The following WDR72 variants were observed in gnomAD, a reference collection of about 807,000 sequenced individuals.
WDR72 encodes the protein WD repeat domain 72.
WDR72 carries 120 observed loss-of-function variants against 124.2 expected under a neutral mutation model. That is an observed-to-expected ratio of 0.97 (90% CI 0.83 to 1.12). The LOEUF is 1.12. Among genes scored for constraint, WDR72 ranks in the 50% most tolerant of loss-of-function variants. The pLI, the probability that WDR72 is intolerant of heterozygous loss-of-function variation, is 0.00. For missense variants in WDR72, 1,387 were observed against 1,278.8 expected (o/e 1.08, Z -1.29); for synonymous variants, 452 against 441.7 (o/e 1.02, Z -0.29).
chr15:53,729,849 T>C (rs1240326040), intron 2 of WDR72, among the ~76,000 whole-genome samples: 1 of 152,062 alleles, frequency 6.6e-6, no homozygotes. Flanking sequence ...GGGAAATTGG[T>C]TGCCCTGTGT....
chr15:53,737,188 G>C (rs1306745225), intron 1 of WDR72, among the ~76,000 whole-genome samples: 5 of 152,120 alleles, frequency 3.3e-5, no homozygotes, highest in African/African-American at 1.2e-4. Flanking sequence ...GCCTGGAGCA[G>C]GGAAACACAA....
chr15:53,659,869 T>C (rs2015551412), intron 14 of WDR72, among the ~76,000 whole-genome samples: 1 of 152,126 alleles, frequency 6.6e-6, no homozygotes, highest in Admixed American at 6.6e-5. Context: ...AACGTTTATT[T>C]CTTTATTCCA....
At chr15:53,656,842 T>C (rs1177689690) in intron 14 of WDR72, among the ~76,000 whole-genome samples, 2 of 152,094 alleles carry the variant, frequency 1.3e-5, no homozygotes, top group East Asian at 3.9e-4. Context: ...TAACAGAGCA[T>C]CCAAATCCAC....
intron 7 of WDR72, among the ~76,000 whole-genome samples, chr15:53,712,464 C>G (rs1245852887): frequency 6.6e-6 from 1 of 152,012 alleles, no homozygotes; most frequent in African/African-American, 2.4e-5. Flanking sequence ...GGCATGGTGG[C>G]ATGCGCCTAT....
At chr15:53,669,122 G>A (rs947218855) in intron 13 of WDR72, among the ~76,000 whole-genome samples, 3 of 152,064 alleles carry the variant, frequency 2.0e-5, no homozygotes, top group Admixed American at 6.5e-5. Context: ...TAGTATTAGT[G>A]TCTTCCCCAG....
At chr15:53,625,331 C>T (rs2014160721) in intron 14 of WDR72, among the ~76,000 whole-genome samples, 1 of 152,156 alleles carries the variant, frequency 6.6e-6, no homozygotes, top group Non-Finnish European at 1.5e-5. Context: ...CATGTGATTT[C>T]CAGGTATTGC....
At chr15:53,635,696 T>C (rs1422984838) in intron 14 of WDR72, among the ~76,000 whole-genome samples, 2 of 151,784 alleles carry the variant, frequency 1.3e-5, no homozygotes, top group East Asian at 3.9e-4. Flanking sequence ...CTGGGGGGGA[T>C]GGAGGGAGAT....
chr15:53,695,292 C>T (rs960594497), intron 13 of WDR72, among the ~76,000 whole-genome samples: 1 of 152,188 alleles, frequency 6.6e-6, no homozygotes, highest in African/African-American at 2.4e-5. Context: ...AAATCCACTA[C>T]TGTGAAAAGA....
At chr15:53,672,066 A>G (rs912805422) in intron 13 of WDR72, among the ~76,000 whole-genome samples, 2 of 152,122 alleles carry the variant, frequency 1.3e-5, no homozygotes, top group African/African-American at 2.4e-5. Context: ...TAGTGCCCCT[A>G]AAGTGTCTGA....
chr15:53,705,214 G>C lies in WDR72; in HGVS notation c.1122C>G (p.Thr374=), dbSNP rs756432819. 16 of 1,613,454 alleles carry C rather than the reference G, an allele frequency of 9.9e-6. No individual in the cohort carries two copies. Among genetic ancestry groups the C allele is most frequent in the African/African-American group, 1.3e-5 (1 of 74,898 alleles). The change falls in exon 11 of 20, where the codon ACC becomes ACG. Residue 374 remains threonine, a synonymous_variant. Transcript: ENST00000360509. The part of the protein sequence containing the change: ...GSPREIPVTA[T]WTLQDNFDKH... ...TATCAAAATTATCTTGAAGAGTCCA[G>C]GTGGCAGTTACTGGTATCTCTAAAA...
chr15:53,666,669 C>T lies in WDR72; in HGVS notation c.1766-901G>A, dbSNP rs550399076. 1.1e-4 allele frequency among the ~76,000 whole-genome samples: 16 copies of T among 152,148 alleles called. No homozygotes were observed. The South Asian group carries it at 3.1e-3, about 30-fold the overall frequency. ...ACAGACTTCATTTCATATTCTTTTC[C>T]ACCAATGAGAAAGAAGTAGATGTAC... On this transcript the variant is annotated intron_variant, in intron 13 of 19. Coordinates refer to ENST00000360509, the MANE Select transcript of WDR72 (RefSeq NM_182758.4).
intron 18 of WDR72, among the ~76,000 whole-genome samples, chr15:53,571,813 G>A (rs992498759): frequency 2.0e-5 from 3 of 150,792 alleles, no homozygotes; most frequent in African/African-American, 7.3e-5. Flanking sequence ...TTTCCATAAT[G>A]GTTGTACTAA....
chr15:53,548,412 G>A (rs950525928), intron 18 of WDR72, among the ~76,000 whole-genome samples: 11 of 152,184 alleles, frequency 7.2e-5, no homozygotes, highest in African/African-American at 2.7e-4. Context: ...ACTGGGATTG[G>A]AATTCCTGTT....
intron 9 of WDR72, among the ~76,000 whole-genome samples, chr15:53,707,886 T>A (rs2017427213): frequency 6.6e-6 from 1 of 152,198 alleles, no homozygotes; most frequent in Admixed American, 6.5e-5. Context: ...GAACTGATTG[T>A]TCCAACTCCC....
intron 14 of WDR72, among the ~76,000 whole-genome samples, chr15:53,638,347 A>G (rs1000042549): frequency 5.8e-4 from 88 of 152,192 alleles, no homozygotes; most frequent in African/African-American, 2.0e-3. Flanking sequence ...CCAATATCCA[A>G]TCTAGCAGGG....
At chr15:53,590,229 C>T (rs1049034979) in intron 18 of WDR72, among the ~76,000 whole-genome samples, 2 of 151,966 alleles carry the variant, frequency 1.3e-5, no homozygotes, top group Non-Finnish European at 2.9e-5. Context: ...AACCCTTATT[C>T]CTTTCAACTC....
At chr15:53,718,264 T>C (rs1202501311) in intron 3 of WDR72, among the ~76,000 whole-genome samples, 1 of 131,864 alleles carries the variant, frequency 7.6e-6, no homozygotes, top group Non-Finnish European at 1.5e-5. Context: ...TCTAAACCAG[T>C]AGCTCTAAAT....
At chr15:53,522,237 G>T (rs1891843561) in intron 19 of WDR72, among the ~76,000 whole-genome samples, 1 of 152,034 alleles carries the variant, frequency 6.6e-6, no homozygotes, top group South Asian at 2.1e-4. Flanking sequence ...AGGATCAGGG[G>T]ACTGTTTGTT....
At chr15:53,744,622 A>G (rs951835827) in intron 1 of WDR72, among the ~76,000 whole-genome samples, 1 of 152,144 alleles carries the variant, frequency 6.6e-6, no homozygotes, top group Non-Finnish European at 1.5e-5. Context: ...ACTTTGCAAA[A>G]CTGTACATTA....
Sources: allele counts gnomAD v4.1 joint callset (sites outside exome capture counted in the v4.1 genomes callset), GRCh38; gene constraint gnomAD v4.1.1; transcripts MANE v1.5; gene names NCBI Gene and HGNC (gene_info 2026-07-23, HGNC 2026-07-21).